The following CREG2 variants were observed in gnomAD, a reference collection of about 807,000 sequenced individuals.
CREG2 encodes cellular repressor of E1A stimulated genes 2.
Under a neutral mutation model 26.2 loss-of-function variants are expected in CREG2, and 24 were observed. That is an observed-to-expected ratio of 0.92 (90% CI 0.66 to 1.29). The LOEUF (loss-of-function observed/expected upper bound fraction) is 1.29. Ranked by LOEUF, CREG2 falls within the 50% of genes most tolerant of loss-of-function variation. CREG2 has a pLI of 0.00. For missense variants in CREG2, 366 were observed against 398.6 expected (o/e 0.92, Z 0.70); for synonymous variants, 174 against 169.2 (o/e 1.03, Z -0.22).
chr2:101,353,067 A>G (rs539984075), intron 3 of CREG2, among the ~76,000 whole-genome samples: 2 of 152,134 alleles, frequency 1.3e-5, no homozygotes, highest in Non-Finnish European at 2.9e-5. Context: ...GAAAATAGGA[A>G]ATGTTCACAT....
In CREG2 at chr2:101,350,609, A is replaced by T; in HGVS notation, c.*314T>A. 4.4e-6 allele frequency: 1 copy of T among 226,734 alleles called. No homozygotes were observed. The highest frequency in any genetic ancestry group is 8.5e-6 in the Non-Finnish European group (1 of 117,144). The allele number at this position is 226,734 out of a possible 1,614,324, so 14.0% of individuals were successfully genotyped here. ...CATTTTTTTTTTTCCTTAAACAATG[A>T]AACAACAATGATCTCAACATGTCAT... On this transcript the variant is annotated 3_prime_UTR_variant, in exon 4 of 4. Coordinates refer to ENST00000324768, the MANE Select transcript of CREG2 (RefSeq NM_153836.4).
At chr2:101,361,232 C>T (rs1684535019) in intron 2 of CREG2, among the ~76,000 whole-genome samples, 1 of 152,164 alleles carries the variant, frequency 6.6e-6, no homozygotes, top group South Asian at 2.1e-4. Flanking sequence ...GAAAACCCAG[C>T]TAAACTTGGT....
chr2:101,369,467 G>A (rs1301563420), intron 2 of CREG2, among the ~76,000 whole-genome samples: 1 of 152,156 alleles, frequency 6.6e-6, no homozygotes, highest in Non-Finnish European at 1.5e-5. Flanking sequence ...GCTCAGATGA[G>A]TGGTCTCAGC....
At chr2:101,378,733 C>T (rs1684826224) in intron 2 of CREG2, among the ~76,000 whole-genome samples, 1 of 152,096 alleles carries the variant, frequency 6.6e-6, no homozygotes, top group African/African-American at 2.4e-5. Flanking sequence ...CTTTGTTCCA[C>T]AGAAATCGCC....
chr2:101,384,895 A>G (rs1025257568), intron 1 of CREG2, among the ~76,000 whole-genome samples: 9 of 151,926 alleles, frequency 5.9e-5, no homozygotes, highest in African/African-American at 1.9e-4. Context: ...AGAGCCTGGC[A>G]CCTTCCCCTC....
At chr2:101,356,520 C>G (rs1011046132) in intron 2 of CREG2, among the ~76,000 whole-genome samples, 2 of 152,130 alleles carry the variant, frequency 1.3e-5, no homozygotes, top group African/African-American at 4.8e-5. Flanking sequence ...AATTTACTAA[C>G]AGGGTAGATC....
At chr2:101,374,378 C>G (rs1392299360) in intron 2 of CREG2, among the ~76,000 whole-genome samples, 1 of 152,126 alleles carries the variant, frequency 6.6e-6, no homozygotes, top group Non-Finnish European at 1.5e-5. Context: ...CTGTCTCAAA[C>G]AACAACAACA....
At position 101,346,328 on chromosome 2, in the gene CREG2, C is replaced by T. The variant is rs1379718589; in HGVS notation, c.*4595G>A. 3 of 152,040 alleles carry T rather than the reference C, an allele frequency of 2.0e-5. No individual in the cohort carries two copies. Among genetic ancestry groups the T allele is most frequent in the African/African-American group, 7.2e-5 (3 of 41,386 alleles). 9.4% of individuals were successfully genotyped at this position (152,040 alleles called of 1,614,324 possible). On this transcript the variant is annotated 3_prime_UTR_variant, in exon 4 of 4. Transcript: ENST00000324768. The stretch of plus-strand genomic sequence containing the variant: ...TTCACTAAAACAGAATTATTTCCCA[C>T]AATATTTAGGGGAAGATTACTGGAA...
intron 2 of CREG2, among the ~76,000 whole-genome samples, chr2:101,356,260 G>C (rs143900473): frequency 1.0e-3 from 157 of 152,278 alleles, no homozygotes; most frequent in Non-Finnish European, 1.8e-3. Context: ...TATGGGCCCA[G>C]GATGTGGGGG....
intron 2 of CREG2, among the ~76,000 whole-genome samples, chr2:101,367,493 G>T (rs1054185456): frequency 6.6e-6 from 1 of 152,104 alleles, no homozygotes; most frequent in Non-Finnish European, 1.5e-5. Flanking sequence ...ACCAAAGAGG[G>T]CTGTAGCATA....
intron 2 of CREG2, among the ~76,000 whole-genome samples, chr2:101,359,056 AAAAAAAAAAAAAAAAAGAG>A (rs1684503350): frequency 5.8e-5 from 1 of 17,274 alleles, no homozygotes; most frequent in African/African-American, 8.3e-5. Flanking sequence ...AAAAAAAAAA[AAAAAAAAAAAAAAAAAGAG>A]AGAACTGAGG....
At chr2:101,380,114 T>C (rs1384071589) in intron 2 of CREG2, among the ~76,000 whole-genome samples, 2 of 152,222 alleles carry the variant, frequency 1.3e-5, no homozygotes, top group Non-Finnish European at 2.9e-5. Context: ...ATCTATTATC[T>C]ATGTATAATC....
At chr2:101,382,919 A>T (rs1684900366) in intron 2 of CREG2, 1 of 985,596 alleles carries the variant, frequency 1.0e-6, no homozygotes, top group Admixed American at 6.1e-5. Context: ...CCATGCAGAC[A>T]TTTCCCGGGG....
intron 1 of CREG2, among the ~76,000 whole-genome samples, chr2:101,384,701 T>A (rs1684937603): frequency 6.6e-6 from 1 of 152,088 alleles, no homozygotes; most frequent in Non-Finnish European, 1.5e-5. Context: ...TACAAAAAGT[T>A]TTTTAAAAAA....
chr2:101,347,800 G>T lies in CREG2; in HGVS notation c.*3123C>A, dbSNP rs1454529884. 2 of 152,072 alleles carry T rather than the reference G, an allele frequency of 1.3e-5. No homozygotes were observed. The highest frequency in any genetic ancestry group is 4.8e-5 in the African/African-American group (2 of 41,402). The allele number at this position is 152,072 out of a possible 1,614,324, so 9.4% of individuals were successfully genotyped here. A position where few individuals can be genotyped will look rare whatever the true frequency, so the allele number is the denominator to read the frequency against. On this transcript the variant is annotated 3_prime_UTR_variant, in exon 4 of 4. Coordinates refer to ENST00000324768, the MANE Select transcript of CREG2 (RefSeq NM_153836.4). ...TCTCGGCCTTTTAACATGGTCTTTT[G>T]CAGAACAAATGTTTTAAATTCTGAT... is the stretch of plus-strand genomic sequence containing the variant.
At chr2:101,367,979 C>T (rs2104477474) in intron 2 of CREG2, among the ~76,000 whole-genome samples, 1 of 152,272 alleles carries the variant, frequency 6.6e-6, no homozygotes, top group Non-Finnish European at 1.5e-5. Flanking sequence ...AGACTTCTGC[C>T]CTCTAGACCT....
Position 101,387,482 on chromosome 2 carries a change from C to T in CREG2, c.-25G>A, listed in dbSNP as rs900323998. On this transcript the variant is annotated 5_prime_UTR_variant, in exon 1 of 4. Coordinates refer to ENST00000324768, the MANE Select transcript of CREG2 (RefSeq NM_153836.4). This position sits in a 1 kb window ranked among gnomAD's most constrained non-coding sequence, Gnocchi z 4.7. The stretch of plus-strand genomic sequence containing the variant: ...TCTTGCAGGCAGCACGCCCGGCCGC[C>T]GGGGCCGCCAGCAGCGCTAGTGCCG... The T allele has an allele frequency of 6.4e-6, 6 of 936,584 alleles. No homozygotes were observed. Among genetic ancestry groups the T allele is most frequent in the Non-Finnish European group, 6.9e-6 (5 of 727,510 alleles). 58.0% of individuals were successfully genotyped at this position (936,584 alleles called of 1,614,324 possible).
intron 1 of CREG2, among the ~76,000 whole-genome samples, chr2:101,385,470 G>A (rs532238430): frequency 6.1e-4 from 93 of 152,196 alleles, no homozygotes; most frequent in South Asian, 2.1e-4. Context: ...TGTGAGCCAC[G>A]ACGCCTGGCC....
intron 2 of CREG2, among the ~76,000 whole-genome samples, chr2:101,377,334 A>G (rs145755551): frequency 1.9e-3 from 289 of 152,294 alleles, no homozygotes; most frequent in Middle Eastern, 6.8e-3. Context: ...GATCTTCAAA[A>G]TGAAAATTGA....
Sources: allele counts gnomAD v4.1 joint callset (sites outside exome capture counted in the v4.1 genomes callset), GRCh38; gene constraint gnomAD v4.1.1; non-coding constraint Gnocchi (gnomAD v3.1); transcripts MANE v1.5; gene names NCBI Gene and HGNC (gene_info 2026-07-23, HGNC 2026-07-21).